SETD3: variants seen among roughly 807,000 people sequenced by gnomAD.
SETD3 encodes SET domain containing 3, actin N3(tau)-histidine methyltransferase, also known as actin-histidine N-methyltransferase.
In SETD3, 19 loss-of-function variants were observed where a neutral mutation model predicts 63.0. The ratio of observed to expected loss-of-function variants is 0.30; its 90% CI spans 0.21 to 0.44. The LOEUF (loss-of-function observed/expected upper bound fraction) is 0.44. Among genes scored for constraint, SETD3 ranks in the 20% least tolerant of loss-of-function variants. The pLI is 1.00. For missense variants in SETD3, 587 were observed against 728.5 expected, an observed-to-expected ratio of 0.81 and a Z score of 2.24; for synonymous variants, 286 against 264.1, an observed-to-expected ratio of 1.08 and a Z score of -0.80.
At chr14:99,434,684 CTAAAAA>C (rs1893369482) in intron 6 of SETD3, among the ~76,000 whole-genome samples, 1 of 151,710 alleles carries the variant, frequency 6.6e-6, no homozygotes, top group Admixed American at 6.6e-5. Context: ...CCCGTCTCTA[CTAAAAA>C]TACAAAATTA....
rs1418490825 is a variant in SETD3, at chr14:99,406,377, T to C, written c.924+139A>G. 4.1e-6 allele frequency: 3 copies of C among 735,210 alleles called. No homozygotes were observed. In the African/African-American group the frequency reaches 5.2e-5, roughly 13 times the overall value. 45.5% of individuals were successfully genotyped at this position (735,210 alleles called of 1,614,324 possible). Reference sequence around the variant, plus strand: ...TGTACTACGGGTTCTGGTCTCAAGATGTGTTCCAGAAAAACAATCCTCAAT... The same window carrying C: ...TGTACTACGGGTTCTGGTCTCAAGACGTGTTCCAGAAAAACAATCCTCAAT... On this transcript the variant is annotated intron_variant, in intron 9 of 12. Coordinates refer to ENST00000331768, the MANE Select transcript of SETD3 (RefSeq NM_032233.3).
In SETD3 at chr14:99,435,349, C is replaced by T. The variant is rs145508757; in HGVS notation, c.676-21415G>A. On this transcript the variant is annotated intron_variant, in intron 6 of 12. Coordinates refer to ENST00000331768, the MANE Select transcript of SETD3 (RefSeq NM_032233.3). ...TAGAATTTTGGTAGTTAATCCTATG[C>T]TGACTGATAAAATCCTTTGTTGTGA... Among the ~76,000 whole-genome samples, 403 of 152,248 alleles carry T rather than the reference C, an allele frequency of 2.6e-3. 2 individuals are homozygous for T. The highest frequency in any genetic ancestry group is 9.4e-3 in the African/African-American group (390 of 41,540).
In SETD3 at chr14:99,434,493, G is replaced by A. The variant is rs112032336; in HGVS notation, c.676-20559C>T. Among the ~76,000 whole-genome samples, 1,275 of 152,222 alleles carry A rather than the reference G, an allele frequency of 8.4e-3. 15 individuals carry two copies. Among genetic ancestry groups the A allele is most frequent in the African/African-American group, 0.029 (1,196 of 41,512 alleles). Reference sequence around the variant, plus strand: ...GGCACTGACGGGGAAAAGACAGTGGGGAGTTTTCTAGGTTGCTAGAAATGT... The same window carrying A: ...GGCACTGACGGGGAAAAGACAGTGGAGAGTTTTCTAGGTTGCTAGAAATGT... On this transcript the variant is annotated intron_variant, in intron 6 of 12. Transcript: ENST00000331768.
chr14:99,484,342 G>A (rs1355023400), upstream of SETD3, among the ~76,000 whole-genome samples: 2 of 152,202 alleles, frequency 1.3e-5, no homozygotes, highest in African/African-American at 4.8e-5. Flanking sequence ...ACATGTTACT[G>A]CATGTTAGTT....
At chr14:99,447,184 G>A (rs966604974) in intron 6 of SETD3, among the ~76,000 whole-genome samples, 20 of 152,082 alleles carry the variant, frequency 1.3e-4, no homozygotes, top group Non-Finnish European at 2.4e-4. Flanking sequence ...TGCTGGCCAG[G>A]CTGGTCTTAA....
At chr14:99,469,182 C>A (rs1367631188) in intron 1 of SETD3, among the ~76,000 whole-genome samples, 3 of 152,212 alleles carry the variant, frequency 2.0e-5, no homozygotes, top group Non-Finnish European at 4.4e-5. Context: ...AAACTGCTGG[C>A]TCTTAGAATG....
chr14:99,477,154 A>C (rs1896014976), intron 1 of SETD3, among the ~76,000 whole-genome samples: 3 of 152,168 alleles, frequency 2.0e-5, no homozygotes, highest in Admixed American at 2.0e-4. Context: ...TGGACTCACT[A>C]GTTCACTTCT....
intron 8 of SETD3, among the ~76,000 whole-genome samples, chr14:99,409,414 A>G (rs570701043): frequency 6.6e-6 from 1 of 152,270 alleles, no homozygotes; most frequent in East Asian, 1.9e-4. Flanking sequence ...TTTGTTGGCA[A>G]TGCTGGAGGA....
chr14:99,421,578 A>C (rs1892598665), intron 6 of SETD3, among the ~76,000 whole-genome samples: 1 of 152,168 alleles, frequency 6.6e-6, no homozygotes, highest in African/African-American at 2.4e-5. Context: ...GGTATATAAG[A>C]AAGCTCTCTG....
At chr14:99,481,598 C>T (rs1034593830), upstream of SETD3, 2 of 395,364 alleles carry the variant, frequency 5.1e-6, no homozygotes, top group Non-Finnish European at 8.9e-6. Flanking sequence ...GATTCTGCCT[C>T]CCTCCGCTAA....
At chr14:99,399,520 G>A (rs139641923) in intron 12 of SETD3, among the ~76,000 whole-genome samples, 1 of 152,162 alleles carries the variant, frequency 6.6e-6, no homozygotes, top group African/African-American at 2.4e-5. Flanking sequence ...TGTATTTGAA[G>A]TTAGTGGCTC....
chr14:99,410,022 A>T (rs1891893423), intron 8 of SETD3: 1 of 499,498 alleles, frequency 2.0e-6, no homozygotes, highest in Non-Finnish European at 3.6e-6. Flanking sequence ...AGGCAGAAAC[A>T]AGCGGATCTG....
upstream of SETD3, among the ~76,000 whole-genome samples, chr14:99,482,333 G>T (rs974718774): frequency 1.3e-5 from 2 of 152,192 alleles, no homozygotes; most frequent in Non-Finnish European, 2.9e-5. Flanking sequence ...GTAGGTGCCC[G>T]CTAAAGGTTT....
chr14:99,452,340 C>T (rs189458482), intron 6 of SETD3, among the ~76,000 whole-genome samples: 13 of 152,286 alleles, frequency 8.5e-5, no homozygotes, highest in African/African-American at 2.9e-4. Context: ...CTCTTGACCT[C>T]GTGATCTGCC....
chr14:99,414,591 T>C (rs1046679024), intron 6 of SETD3, among the ~76,000 whole-genome samples: 5 of 152,258 alleles, frequency 3.3e-5, no homozygotes, highest in African/African-American at 7.2e-5. Context: ...TAAATTTTAC[T>C]TCTTTCCTGG....
At chr14:99,471,755 T>TA (rs1171255196) in intron 1 of SETD3, among the ~76,000 whole-genome samples, 1 of 152,232 alleles carries the variant, frequency 6.6e-6, no homozygotes, top group Non-Finnish European at 1.5e-5. Context: ...CTGGAATTTT[T>TA]AAAGCATTAT....
chr14:99,434,382 C>A (rs1893351864), intron 6 of SETD3, among the ~76,000 whole-genome samples: 1 of 152,126 alleles, frequency 6.6e-6, no homozygotes, highest in African/African-American at 2.4e-5. Context: ...AGAGTGCTTA[C>A]CCCTGACATG....
At chr14:99,446,734 G>A (rs1167901708) in intron 6 of SETD3, among the ~76,000 whole-genome samples, 3 of 152,114 alleles carry the variant, frequency 2.0e-5, no homozygotes, top group Non-Finnish European at 4.4e-5. Context: ...AGAGGAGGAA[G>A]GCCATGGTTT....
upstream of SETD3, chr14:99,481,370 G>A (rs762387540): frequency 2.5e-5 from 10 of 398,610 alleles, no homozygotes; most frequent in Middle Eastern, 6.3e-4. Context: ...CCGGTCGCTT[G>A]GTGGCGTCTC....
Sources: gnomAD v4.1 joint callset for allele counts (sites outside exome capture counted in the v4.1 genomes callset) on GRCh38, gnomAD v4.1.1 for gene constraint, MANE v1.5 for transcripts, NCBI Gene and HGNC (gene_info 2026-07-23, HGNC 2026-07-21) for gene names.